HOMEZ: variants seen among roughly 807,000 people sequenced by gnomAD.
HOMEZ encodes homeobox and leucine zipper protein Homez.
HOMEZ carries 20 observed loss-of-function variants against 50.1 expected under a neutral mutation model. The observed-to-expected ratio is 0.40, with a 90% CI of 0.28 to 0.58. The LOEUF is 0.58. HOMEZ is among the 20% of genes least tolerant of loss of function. The pLI, the probability that HOMEZ is intolerant of heterozygous loss-of-function variation, is 0.46. For missense variants in HOMEZ, 579 were observed against 680.5 expected (o/e 0.85, Z 1.66); for synonymous variants, 239 against 254.7 (o/e 0.94, Z 0.59).
chr14:23,280,710 T>TTTTTATTTTATTTATTTTATTTTA, intron 1 of HOMEZ, among the ~76,000 whole-genome samples: 1 of 62,102 alleles, frequency 1.6e-5, no homozygotes, highest in Non-Finnish European at 3.5e-5. Flanking sequence ...TATATTTTTA[T>TTTTTATTTTATTTATTTTATTTTA]TTTTATTTTA....
intron 1 of HOMEZ, among the ~76,000 whole-genome samples, chr14:23,279,384 C>G (rs888274640): frequency 1.3e-5 from 2 of 152,122 alleles, no homozygotes; most frequent in Admixed American, 6.6e-5. Context: ...CGCTGTCATT[C>G]CCATATTGGC....
chr14:23,280,715 A>ATATT (rs1389635754), intron 1 of HOMEZ, among the ~76,000 whole-genome samples: 2 of 60,112 alleles, frequency 3.3e-5, no homozygotes, highest in Non-Finnish European at 3.2e-5. Flanking sequence ...TTTTATTTTT[A>ATATT]TTTTATTTTA....
chr14:23,286,087 G>T lies in HOMEZ; in HGVS notation c.-135C>A. On this transcript the variant is annotated 5_prime_UTR_variant, in exon 1 of 2. Transcript: ENST00000357460. ...CCCCCCCCACCGTCCCCGGGAGCGC[G>T]CCGGTCTACCCAGCCCTGCTCGAGC... 8.1e-7 allele frequency: 1 copy of T among 1,230,388 alleles called. No homozygotes were observed. The allele number at this position is 1,230,388 out of a possible 1,614,324, so 76.2% of individuals were successfully genotyped here. A position where few individuals can be genotyped will look rare whatever the true frequency, so the allele number is the denominator to read the frequency against.
rs1270679356 is a variant in HOMEZ at position 23,278,992 on chromosome 14, A to T, written c.41-1805T>A. On this transcript the variant is annotated intron_variant, in intron 1 of 1. Coordinates refer to ENST00000357460, the MANE Select transcript of HOMEZ (RefSeq NM_020834.3). ...CGCCTGGCCAGAATTGTTAATAACT[A>T]TTTTTTTTTTTGAGACAGAGTCTTT... Among the ~76,000 whole-genome samples, 3 of 148,348 alleles carry T rather than the reference A, an allele frequency of 2.0e-5. No individual in the cohort carries two copies. In the East Asian group the frequency reaches 6.0e-4, roughly 30 times the overall value.
rs1161271912 is a variant in HOMEZ, at chr14:23,274,152, A to G, written c.*1423T>C. ...CTCATTGATGATACCTATTTGCCAT[A>G]TAGCTGATCCCAACTGATGAAAACC... is the stretch of plus-strand genomic sequence containing the variant. On this transcript the variant is annotated 3_prime_UTR_variant, in exon 2 of 2. Transcript: ENST00000357460. The G allele has an allele frequency of 6.6e-6, 1 of 152,628 alleles. No homozygotes were observed. Among genetic ancestry groups the G allele is most frequent in the East Asian group, 1.9e-4 (1 of 5,202 alleles). The allele number at this position is 152,628 out of a possible 1,614,324, so 9.5% of individuals were successfully genotyped here.
At chr14:23,277,835 G>T (rs1444161996) in intron 1 of HOMEZ, among the ~76,000 whole-genome samples, 15 of 151,836 alleles carry the variant, frequency 9.9e-5, no homozygotes, top group Admixed American at 9.8e-4. Context: ...CTGTGTGTGT[G>T]TGCGTGTGTT....
In HOMEZ at chr14:23,280,710, T is replaced by TTA. The variant is rs1491101198; in HGVS notation, c.41-3524_41-3523insTA. ...TTTTATTTTTATTTTTATATTTTTA[T>TTA]TTTTATTTTATTTTATTTTATTTTA... On this transcript the variant is annotated intron_variant, in intron 1 of 1. Coordinates refer to ENST00000357460, the MANE Select transcript of HOMEZ (RefSeq NM_020834.3). 1.1e-4 allele frequency among the ~76,000 whole-genome samples: 7 copies of TTA among 62,114 alleles called. 1 individual carries two copies. Among genetic ancestry groups the TTA allele is most frequent in the South Asian group, 9.5e-4 (2 of 2,116 alleles). The allele number at this position is 62,114 out of a possible 152,430, so 40.7% of individuals were successfully genotyped here.
At chr14:23,281,372 CT>C (rs2140507970) in intron 1 of HOMEZ, among the ~76,000 whole-genome samples, 1 of 152,148 alleles carries the variant, frequency 6.6e-6, no homozygotes, top group East Asian at 1.9e-4. Flanking sequence ...AATATGAATT[CT>C]TCAATAAGGC....
chr14:23,285,890 C>A, intron 1 of HOMEZ, 23 bp downstream of exon 1: 1 of 1,238,210 alleles, frequency 8.1e-7, no homozygotes, highest in South Asian at 4.1e-5. Flanking sequence ...GAGGGGAAGT[C>A]CAAGGGGCTG....
In HOMEZ at chr14:23,278,934, C is replaced by A. The variant is rs1230797169; in HGVS notation, c.41-1747G>T. 5.9e-5 allele frequency among the ~76,000 whole-genome samples: 9 copies of A among 152,258 alleles called. No homozygotes were observed. The East Asian group carries it at 1.7e-3, about 29-fold the overall frequency. On this transcript the variant is annotated intron_variant, in intron 1 of 1. Transcript: ENST00000357460. ...CAAGTGATCCACCGGCCTCGGCCTC[C>A]CAAAGTGCTGGGATTACAGGCGTGA...
At chr14:23,282,434 C>T (rs765288952) in intron 1 of HOMEZ, among the ~76,000 whole-genome samples, 1 of 152,104 alleles carries the variant, frequency 6.6e-6, no homozygotes, top group Non-Finnish European at 1.5e-5. Context: ...CTTCCAGGTT[C>T]ATCCAGGACA....
Position 23,277,096 on chromosome 14 carries a change from G to C in HOMEZ, c.132C>G (p.Leu44=), listed in dbSNP as rs1417364195. The C allele has an allele frequency of 2.5e-6, 4 of 1,614,016 alleles. No individual in the cohort carries two copies. Among genetic ancestry groups the C allele is most frequent in the Non-Finnish European group, 3.4e-6 (4 of 1,179,872 alleles). ...GCTGTAGCTCCTCAGAGATTGGAGG[G>C]AGGCAGATGAGCCCCGCTGGTGAAC... ...LSSSPAGLIC[L]PPISEELQLV... The change falls in exon 2 of 2, where the codon CTC becomes CTG. Residue 44 remains leucine, a synonymous_variant. Transcript: ENST00000357460.
chr14:23,276,417 T>C lies in HOMEZ; in HGVS notation c.811A>G (p.Ser271Gly). 3 of 1,614,058 alleles carry C rather than the reference T, an allele frequency of 1.9e-6. No homozygotes were observed. Among genetic ancestry groups the C allele is most frequent in the Non-Finnish European group, 2.5e-6 (3 of 1,179,898 alleles). ...GATGCTGACTCCTCCTTACAACTAC[T>C]GGCAATTAATGCAATTGGTGGGGGT... ...DKPPPIALIASSCKEESASSV... is the reference protein window; with the variant it reads ...DKPPPIALIAGSCKEESASSV... Residue 271 changes from serine to glycine, a missense_variant, in exon 2 of 2, where the codon AGT becomes GGT. Ser to Gly is a moderately conservative substitution (Grantham distance 56). Coordinates refer to ENST00000357460, the MANE Select transcript of HOMEZ (RefSeq NM_020834.3). The surrounding 1 kb of genome is among the most constrained non-coding windows in gnomAD (Gnocchi z 4.1).
Position 23,275,231 on chromosome 14 carries a change from G to T in HOMEZ, c.*344C>A. 1 of 240,340 alleles carries T rather than the reference G, an allele frequency of 4.2e-6. No homozygotes were observed. Among genetic ancestry groups the T allele is most frequent in the Non-Finnish European group, 7.9e-6 (1 of 126,152 alleles). The allele number at this position is 240,340 out of a possible 1,614,324, so 14.9% of individuals were successfully genotyped here. A position where few individuals can be genotyped will look rare whatever the true frequency, so the allele number is the denominator to read the frequency against. ...CCTTTCCAATCCTCCTGGAGAGGTG[G>T]TGCCAACATCTGGCCTCTGTATAGT... On this transcript the variant is annotated 3_prime_UTR_variant, in exon 2 of 2. Transcript: ENST00000357460.
chr14:23,278,111 T>C (rs1886409384), intron 1 of HOMEZ, among the ~76,000 whole-genome samples: 1 of 151,654 alleles, frequency 6.6e-6, no homozygotes, highest in Admixed American at 6.6e-5. Context: ...CAGGCATGAG[T>C]CACCACACCC....
chr14:23,279,868 G>A (rs1886453668), intron 1 of HOMEZ, among the ~76,000 whole-genome samples: 1 of 152,084 alleles, frequency 6.6e-6, no homozygotes, highest in Non-Finnish European at 1.5e-5. Context: ...CTACAGCCTC[G>A]AATTCCTGGG....
chr14:23,275,604 CA>C lies in HOMEZ; in HGVS notation c.1623del (p.Asp541GlufsTer6). The C allele has an allele frequency of 4.6e-6, 7 of 1,537,518 alleles. No individual in the cohort carries two copies. Among genetic ancestry groups the C allele is most frequent in the Non-Finnish European group, 6.1e-6 (7 of 1,140,954 alleles). On this transcript the variant is annotated frameshift_variant, in exon 2 of 2. Coordinates refer to ENST00000357460, the MANE Select transcript of HOMEZ (RefSeq NM_020834.3). LOFTEE classifies it high-confidence loss of function. ...EEEEEEEDDD[D>X]DDDDVIIQD ...TCTTGTATGATCACATCATCATCAT[CA>C]TCATCATCATCTTCCTCCTCCTCCT...
At chr14:23,280,720 ATTTT>A in intron 1 of HOMEZ, among the ~76,000 whole-genome samples, 1 of 65,034 alleles carries the variant, frequency 1.5e-5, no homozygotes, top group Admixed American at 1.9e-4. Context: ...TTTTTATTTT[ATTTT>A]ATTTTATTTT....
Position 23,278,331 on chromosome 14 carries a change from C to A in HOMEZ, c.41-1144G>T, listed in dbSNP as rs115861556. On this transcript the variant is annotated intron_variant, in intron 1 of 1. Transcript: ENST00000357460. ...GACTCAACCACAAAAACAAGAGGAG[C>A]AATAATTTCAACTGGTTTGTGTGTG... Among the ~76,000 whole-genome samples, 346 of 151,986 alleles carry A rather than the reference C, an allele frequency of 2.3e-3. 3 individuals carry two copies. Among genetic ancestry groups the A allele is most frequent in the African/African-American group, 7.5e-3 (311 of 41,468 alleles).
Sources: gnomAD v4.1 joint callset for allele counts (sites outside exome capture counted in the v4.1 genomes callset) on GRCh38, gnomAD v4.1.1 for gene constraint, Gnocchi (gnomAD v3.1) non-coding constraint, MANE v1.5 for transcripts, NCBI Gene and HGNC (gene_info 2026-07-23, HGNC 2026-07-21) for gene names.